Variants in CDH12 observed in about 807,000 individuals in gnomAD.
CDH12 encodes cadherin 12, also known as cadherin-12.
Under a neutral mutation model 74.1 loss-of-function variants are expected in CDH12, and 41 were observed. The observed-to-expected ratio is 0.55, with a 90% CI of 0.43 to 0.72. CDH12 has a LOEUF of 0.72. Ranked by LOEUF, CDH12 falls within the 30% of genes least tolerant of loss-of-function variation. The pLI is 0.00. For missense variants in CDH12, 945 were observed against 977.2 expected (o/e 0.97, Z 0.44); for synonymous variants, 399 against 355.0 (o/e 1.12, Z -1.39).
intron 1 of CDH12, among the ~76,000 whole-genome samples, chr5:22,560,360 T>G (rs1738987346): frequency 6.6e-6 from 1 of 152,102 alleles, no homozygotes; most frequent in African/African-American, 2.4e-5. Flanking sequence ...ATCTGTTCAT[T>G]AGTCATTTGG....
At chr5:22,414,567 T>C (rs1373311177) in intron 2 of CDH12, among the ~76,000 whole-genome samples, 1 of 151,992 alleles carries the variant, frequency 6.6e-6, no homozygotes, top group Non-Finnish European at 1.5e-5. Context: ...AAGGTTCTCA[T>C]AGAAATTAAT....
chr5:22,603,513 G>A (rs1308411116), intron 1 of CDH12, among the ~76,000 whole-genome samples: 1 of 152,172 alleles, frequency 6.6e-6, no homozygotes, highest in Admixed American at 6.5e-5. Context: ...TGAAGCACCA[G>A]GGGATTACAG....
chr5:22,745,829 G>A (rs943999825), intron 1 of CDH12, among the ~76,000 whole-genome samples: 5 of 151,972 alleles, frequency 3.3e-5, no homozygotes, highest in African/African-American at 1.2e-4. Flanking sequence ...CTTAATACCT[G>A]GGTGATAAAT....
intron 5 of CDH12, among the ~76,000 whole-genome samples, chr5:21,992,156 T>C (rs1757782136): frequency 6.6e-6 from 1 of 151,946 alleles, no homozygotes; most frequent in African/African-American, 2.4e-5. Context: ...AATAGGTTAA[T>C]AGGATTCCCA....
intron 2 of CDH12, among the ~76,000 whole-genome samples, chr5:22,464,912 G>T (rs916593067): frequency 6.6e-6 from 1 of 151,816 alleles, no homozygotes; most frequent in African/African-American, 2.4e-5. Flanking sequence ...TGAGATAGGA[G>T]AATGGCTTGA....
At chr5:21,967,978 C>T (rs182677095) in intron 6 of CDH12, among the ~76,000 whole-genome samples, 7,451 of 152,188 alleles carry the variant, frequency 0.049, 294 homozygotes, top group Admixed American at 0.11. Flanking sequence ...AACGGCTTGT[C>T]TCCACACATC....
chr5:22,064,785 G>A (rs1034670275), intron 5 of CDH12, among the ~76,000 whole-genome samples: 4 of 152,098 alleles, frequency 2.6e-5, no homozygotes, highest in Admixed American at 6.6e-5. Context: ...CAAGTACCAC[G>A]TAAGTCACCT....
intron 4 of CDH12, among the ~76,000 whole-genome samples, chr5:22,149,873 T>C (rs972610190): frequency 3.3e-5 from 5 of 152,100 alleles, no homozygotes; most frequent in Admixed American, 6.6e-5. Flanking sequence ...CAGGTGCCTG[T>C]AATCCCAGCT....
intron 5 of CDH12, among the ~76,000 whole-genome samples, chr5:21,989,583 CCT>C (rs1214757792): frequency 6.6e-6 from 1 of 151,424 alleles, no homozygotes; most frequent in Non-Finnish European, 1.5e-5. Context: ...ATTGCCTCTC[CCT>C]GAGTTTAAAA....
intron 3 of CDH12, among the ~76,000 whole-genome samples, chr5:22,342,087 T>C (rs1188212621): frequency 1.3e-5 from 2 of 152,152 alleles, no homozygotes; most frequent in African/African-American, 2.4e-5. Flanking sequence ...GGTGCATTCA[T>C]TGAGAGAGAG....
At chr5:22,438,088 T>C (rs1333436512) in intron 2 of CDH12, among the ~76,000 whole-genome samples, 2 of 152,008 alleles carry the variant, frequency 1.3e-5, no homozygotes, top group African/African-American at 4.8e-5. Flanking sequence ...TTTGGTGTAC[T>C]TATCTTTACT....
At chr5:21,865,646 A>G (rs778582735) in intron 6 of CDH12, among the ~76,000 whole-genome samples, 2 of 152,032 alleles carry the variant, frequency 1.3e-5, no homozygotes, top group Admixed American at 6.6e-5. Context: ...TTGACCCACC[A>G]CTCAGGAAGG....
intron 4 of CDH12, among the ~76,000 whole-genome samples, chr5:22,202,371 G>C (rs528742564): frequency 5.6e-4 from 86 of 152,228 alleles, no homozygotes; most frequent in African/African-American, 1.9e-3. Context: ...GAAAGAGATA[G>C]GGTGGGTGAT....
chr5:21,885,092 G>T (rs1033339055), intron 6 of CDH12, among the ~76,000 whole-genome samples: 21 of 151,982 alleles, frequency 1.4e-4, no homozygotes, highest in African/African-American at 5.1e-4. Context: ...TCTCCATGTT[G>T]GTCAGGCTGA....
intron 3 of CDH12, among the ~76,000 whole-genome samples, chr5:22,353,127 TATC>T (rs1450110108): frequency 1.3e-5 from 2 of 152,222 alleles, no homozygotes; most frequent in African/African-American, 4.8e-5. Context: ...ATCAGTCTTA[TATC>T]ATCATTTTCT....
At chr5:22,178,663 CT>C (rs1749468685) in intron 4 of CDH12, among the ~76,000 whole-genome samples, 1 of 152,248 alleles carries the variant, frequency 6.6e-6, no homozygotes, top group South Asian at 2.1e-4. Context: ...TCAGGGTACC[CT>C]TTTCCTCACA....
chr5:21,784,017 C>T (rs77378968), intron 10 of CDH12, among the ~76,000 whole-genome samples: 1,668 of 152,008 alleles, frequency 0.011, 28 homozygotes, highest in African/African-American at 0.035. Flanking sequence ...ACATATAAAA[C>T]GGTCATGGTT....
chr5:22,526,162 T>A lies in CDH12; in HGVS notation c.-522-20798A>T, dbSNP rs1263868385. Among the ~76,000 whole-genome samples, 3 of 152,204 alleles carry A rather than the reference T, an allele frequency of 2.0e-5. No homozygotes were observed. In the East Asian group the frequency reaches 5.8e-4, roughly 29 times the overall value. On this transcript the variant is annotated intron_variant, in intron 1 of 14. Transcript: ENST00000382254. ...GACATTCGGTGTTTTATATATTAAC[T>A]AAATCTATAAAATTTGTGCAAAATA...
intron 1 of CDH12, among the ~76,000 whole-genome samples, chr5:22,633,778 T>A (rs1738697093): frequency 6.6e-6 from 1 of 152,174 alleles, no homozygotes; most frequent in Admixed American, 6.5e-5. Flanking sequence ...GATCTCCAGC[T>A]CACAGAAGGC....
Sources: gnomAD v4.1 joint callset for allele counts (sites outside exome capture counted in the v4.1 genomes callset) on GRCh38, gnomAD v4.1.1 for gene constraint, MANE v1.5 for transcripts, NCBI Gene and HGNC (gene_info 2026-07-23, HGNC 2026-07-21) for gene names.